MACROD2: variants seen among roughly 807,000 people sequenced by gnomAD.
MACROD2 encodes the protein ADP-ribose glycohydrolase MACROD2.
Under a neutral mutation model 70.4 loss-of-function variants are expected in MACROD2, and 36 were observed. The ratio of observed to expected loss-of-function variants is 0.51; its 90% CI spans 0.39 to 0.68. MACROD2 has a LOEUF of 0.68. Ranked by LOEUF, MACROD2 falls within the 30% of genes least tolerant of loss-of-function variation. MACROD2 has a pLI of 0.00. For synonymous variants in MACROD2, 172 were observed against 178.8 expected, an observed-to-expected ratio of 0.96 and a Z score of 0.30; for missense variants, 496 against 538.4, an observed-to-expected ratio of 0.92 and a Z score of 0.78.
intron 15 of MACROD2, among the ~76,000 whole-genome samples, chr20:16,026,946 GGT>G (rs956179512): frequency 5.9e-5 from 9 of 152,144 alleles, no homozygotes; most frequent in African/African-American, 2.2e-4. Flanking sequence ...CACTCTTTCA[GGT>G]GTGTGTATGT....
chr20:14,893,085 A>G (rs1173234036), intron 5 of MACROD2: 1 of 152,216 alleles, frequency 6.6e-6, no homozygotes, highest in Non-Finnish European at 1.5e-5. Context: ...TCTTAGCATA[A>G]TGTCTTCAAG....
chr20:14,167,559 CT>C (rs1217164424), intron 3 of MACROD2, among the ~76,000 whole-genome samples: 36 of 145,212 alleles, frequency 2.5e-4, no homozygotes, highest in South Asian at 2.2e-4. Context: ...AATTTTTGTG[CT>C]TTTTTTTTTA....
chr20:15,046,547 G>A (rs75364567), intron 5 of MACROD2, among the ~76,000 whole-genome samples: 14,068 of 152,152 alleles, frequency 0.092, 907 homozygotes, highest in Non-Finnish European at 0.14. Flanking sequence ...GTATGTGTGC[G>A]CACACACACA....
intron 5 of MACROD2, among the ~76,000 whole-genome samples, chr20:15,002,645 C>T (rs77057182): frequency 0.029 from 4,370 of 152,070 alleles, 198 homozygotes; most frequent in African/African-American, 0.098. Context: ...CTATGGGGAC[C>T]GGTGAGGTAA....
chr20:15,266,328 T>G (rs757326256), intron 6 of MACROD2, among the ~76,000 whole-genome samples: 7 of 152,206 alleles, frequency 4.6e-5, no homozygotes, highest in African/African-American at 1.7e-4. Flanking sequence ...AGCACCTTCC[T>G]GCACTATCCG....
chr20:15,017,515 A>G (rs2075130985), intron 5 of MACROD2, among the ~76,000 whole-genome samples: 1 of 152,070 alleles, frequency 6.6e-6, no homozygotes, highest in Admixed American at 6.6e-5. Context: ...GGTCTGGAGG[A>G]CGGTGGTCCT....
chr20:14,044,856 GGACTGGGTGCCGT>G (rs2053446028), intron 2 of MACROD2, among the ~76,000 whole-genome samples: 2 of 152,238 alleles, frequency 1.3e-5, no homozygotes, highest in Admixed American at 1.3e-4. Flanking sequence ...GCGGTCGATG[GGACTGGGTGCCGT>G]AGAGCAGGGA....
intron 5 of MACROD2, among the ~76,000 whole-genome samples, chr20:15,094,290 GA>G (rs765701899): frequency 2.6e-4 from 39 of 151,600 alleles, no homozygotes; most frequent in African/African-American, 8.5e-4. Flanking sequence ...TTGTAATATA[GA>G]AAAAAAATCT....
chr20:15,165,710 C>T (rs906977558), intron 5 of MACROD2, among the ~76,000 whole-genome samples: 4 of 152,180 alleles, frequency 2.6e-5, no homozygotes, highest in East Asian at 1.9e-4. Flanking sequence ...AAAATATGCA[C>T]GTTTCCAAAC....
At chr20:14,286,265 C>A (rs2082344334) in intron 3 of MACROD2, among the ~76,000 whole-genome samples, 2 of 152,050 alleles carry the variant, frequency 1.3e-5, no homozygotes, top group Admixed American at 6.6e-5. Context: ...TTTTCTCTCT[C>A]AGAAGTATGC....
chr20:15,531,081 TAG>T (rs1249330337), intron 8 of MACROD2, among the ~76,000 whole-genome samples: 3 of 151,014 alleles, frequency 2.0e-5, no homozygotes, highest in African/African-American at 7.3e-5. Context: ...TAATTAAGAA[TAG>T]AGCAAGTGCT....
At chr20:14,864,931 T>A (rs1021846519) in intron 5 of MACROD2, among the ~76,000 whole-genome samples, 1 of 152,102 alleles carries the variant, frequency 6.6e-6, no homozygotes, top group Non-Finnish European at 1.5e-5. Flanking sequence ...CAGTTGATGT[T>A]GAATTTCATG....
chr20:15,220,059 T>G (rs1011206231), intron 5 of MACROD2, among the ~76,000 whole-genome samples: 1 of 151,542 alleles, frequency 6.6e-6, no homozygotes, highest in Non-Finnish European at 1.5e-5. Context: ...AGTGTGATAG[T>G]GTTAGAATCT....
intron 3 of MACROD2, among the ~76,000 whole-genome samples, chr20:14,395,312 C>A (rs1303943577): frequency 6.6e-6 from 1 of 151,892 alleles, no homozygotes; most frequent in Non-Finnish European, 1.5e-5. Context: ...ATTTTTTGAG[C>A]AAGGTTTGGT....
chr20:14,591,253 C>T (rs1197415987), intron 4 of MACROD2, among the ~76,000 whole-genome samples: 1 of 152,072 alleles, frequency 6.6e-6, no homozygotes, highest in Non-Finnish European at 1.5e-5. Context: ...AAATTTAATA[C>T]ATTTAATCCA....
intron 8 of MACROD2, among the ~76,000 whole-genome samples, chr20:15,649,784 T>C (rs2049616673): frequency 6.6e-6 from 1 of 152,172 alleles, no homozygotes; most frequent in African/African-American, 2.4e-5. Context: ...GAAAAAAATC[T>C]GGGTGTGTAT....
At chr20:15,143,965 A>ATGAC (rs1568599061) in intron 5 of MACROD2, among the ~76,000 whole-genome samples, 1 of 129,232 alleles carries the variant, frequency 7.7e-6, no homozygotes, top group African/African-American at 3.1e-5. Flanking sequence ...AAAATCGCAA[A>ATGAC]AAAAAAAAAA....
At chr20:14,823,122 A>G (rs1283040148) in intron 5 of MACROD2, among the ~76,000 whole-genome samples, 1 of 152,108 alleles carries the variant, frequency 6.6e-6, no homozygotes, top group Non-Finnish European at 1.5e-5. Context: ...TAATCTTTGA[A>G]TATGCAAAAC....
intron 5 of MACROD2, among the ~76,000 whole-genome samples, chr20:14,957,680 G>A (rs1031846812): frequency 3.3e-5 from 5 of 152,182 alleles, no homozygotes; most frequent in African/African-American, 1.2e-4. Context: ...TAGCGAGAAT[G>A]CCAGGGATTT....
Sources: allele counts gnomAD v4.1 joint callset (sites outside exome capture counted in the v4.1 genomes callset), GRCh38; gene constraint gnomAD v4.1.1; transcripts MANE v1.5; gene names NCBI Gene and HGNC (gene_info 2026-07-23, HGNC 2026-07-21).